The following ZFPM2 variants were observed in gnomAD, a reference collection of about 807,000 sequenced individuals.
ZFPM2 encodes the protein zinc finger protein, FOG family member 2.
ZFPM2 carries 20 observed loss-of-function variants against 98.6 expected under a neutral mutation model. The ratio of observed to expected loss-of-function variants is 0.20; its 90% CI spans 0.14 to 0.29. The LOEUF (loss-of-function observed/expected upper bound fraction) is 0.29. Among genes scored for constraint, ZFPM2 ranks in the 10% least tolerant of loss-of-function variants. The pLI is 1.00. For synonymous variants in ZFPM2, 518 were observed against 502.7 expected (o/e 1.03, Z -0.41); for missense variants, 1,310 against 1,388.6 (o/e 0.94, Z 0.90).
At chr8:105,621,382 G>C (rs34330549) in intron 4 of ZFPM2, among the ~76,000 whole-genome samples, 35,326 of 152,022 alleles carry the variant, frequency 0.23, 4,395 homozygotes, top group South Asian at 0.36. Context: ...ATTTTGTATC[G>C]TGAGACTTTG....
At chr8:105,455,986 C>T (rs1444795047) in intron 3 of ZFPM2, among the ~76,000 whole-genome samples, 11 of 151,832 alleles carry the variant, frequency 7.2e-5, no homozygotes, top group Non-Finnish European at 1.2e-4. Context: ...ATGAAATTGC[C>T]TAGTATAGAA....
intron 5 of ZFPM2, among the ~76,000 whole-genome samples, chr8:105,756,159 A>G (rs572670016): frequency 6.6e-6 from 1 of 152,286 alleles, no homozygotes; most frequent in Non-Finnish European, 1.5e-5. Context: ...GTTTATTGCA[A>G]CATCTTGGCT....
At chr8:105,474,959 AT>A (rs1812983416) in intron 3 of ZFPM2, among the ~76,000 whole-genome samples, 2 of 151,856 alleles carry the variant, frequency 1.3e-5, no homozygotes, top group African/African-American at 4.9e-5. Context: ...TTATTCTGTG[AT>A]TCAGTAGTCT....
chr8:105,399,134 G>T (rs1180070886), intron 1 of ZFPM2, among the ~76,000 whole-genome samples: 1 of 152,174 alleles, frequency 6.6e-6, no homozygotes, highest in South Asian at 2.1e-4. Flanking sequence ...TAGGGCCAAC[G>T]GCCAACTGGT....
chr8:105,511,612 A>C (rs1369249366), intron 3 of ZFPM2, among the ~76,000 whole-genome samples: 1 of 152,174 alleles, frequency 6.6e-6, no homozygotes, highest in Admixed American at 6.5e-5. Context: ...TCCAATATTA[A>C]CATTTTTTTG....
At chr8:105,793,345 A>C (rs2131150959) in intron 6 of ZFPM2, among the ~76,000 whole-genome samples, 1 of 152,126 alleles carries the variant, frequency 6.6e-6, no homozygotes. Context: ...TCACTTATGA[A>C]GCTTAGTTTG....
chr8:105,496,368 A>G (rs557914518), intron 3 of ZFPM2, among the ~76,000 whole-genome samples: 1 of 151,960 alleles, frequency 6.6e-6, no homozygotes, highest in Non-Finnish European at 1.5e-5. Context: ...ACAGTTCCTC[A>G]ATCTTCCCTG....
intron 3 of ZFPM2, among the ~76,000 whole-genome samples, chr8:105,505,766 A>G (rs1292642763): frequency 6.6e-6 from 1 of 152,172 alleles, no homozygotes; most frequent in Non-Finnish European, 1.5e-5. Flanking sequence ...TATATAGCCA[A>G]TTTATACACA....
chr8:105,585,868 A>G (rs1297570635), intron 4 of ZFPM2, among the ~76,000 whole-genome samples: 1 of 152,048 alleles, frequency 6.6e-6, no homozygotes, highest in Non-Finnish European at 1.5e-5. Flanking sequence ...ATATAAAGAG[A>G]ACCTAAGATA....
intron 3 of ZFPM2, among the ~76,000 whole-genome samples, chr8:105,528,586 A>G (rs1418028406): frequency 1.3e-5 from 2 of 152,182 alleles, no homozygotes; most frequent in African/African-American, 2.4e-5. Flanking sequence ...CAGGAGATTG[A>G]TAAGTATGGG....
At chr8:105,641,822 C>T (rs1036853302) in intron 5 of ZFPM2, among the ~76,000 whole-genome samples, 3 of 151,958 alleles carry the variant, frequency 2.0e-5, no homozygotes, top group Admixed American at 1.3e-4. Context: ...AATAGCCCTG[C>T]ACAATAATCC....
In ZFPM2 at chr8:105,485,414, G is replaced by A. The variant is rs142818034; in HGVS notation, c.301+41033G>A. 5.0e-3 allele frequency among the ~76,000 whole-genome samples: 758 copies of A among 152,238 alleles called. 2 individuals are homozygous for A. Among genetic ancestry groups the A allele is most frequent in the Middle Eastern group, 0.01 (3 of 294 alleles). ...TACATCTGCAGTCCTGGGTTCTCTG[G>A]AGGCTGAGGGAGGAGATCTCTTGAG... On this transcript the variant is annotated intron_variant, in intron 3 of 7. Coordinates refer to ENST00000407775, the MANE Select transcript of ZFPM2 (RefSeq NM_012082.4).
chr8:105,620,628 T>C (rs1816519079), intron 4 of ZFPM2, among the ~76,000 whole-genome samples: 1 of 152,194 alleles, frequency 6.6e-6, no homozygotes, highest in South Asian at 2.1e-4. Context: ...CTGAATGGTA[T>C]TGCCTAGGTT....
chr8:105,377,590 C>T (rs1475776427), intron 1 of ZFPM2, among the ~76,000 whole-genome samples: 4 of 134,788 alleles, frequency 3.0e-5, no homozygotes, highest in Non-Finnish European at 4.6e-5. Context: ...AGCAAAACCC[C>T]GTTTTTCTTA....
At chr8:105,756,628 T>G (rs1812604139) in intron 5 of ZFPM2, among the ~76,000 whole-genome samples, 1 of 152,196 alleles carries the variant, frequency 6.6e-6, no homozygotes, top group Non-Finnish European at 1.5e-5. Context: ...TTAGCCTGAT[T>G]AATTCTGAAA....
intron 5 of ZFPM2, among the ~76,000 whole-genome samples, chr8:105,636,747 T>G (rs1466991294): frequency 2.0e-5 from 3 of 152,172 alleles, no homozygotes; most frequent in Non-Finnish European, 4.4e-5. Flanking sequence ...TCACATACTG[T>G]GATGATGAAC....
At chr8:105,333,407 T>C (rs1812269404) in intron 1 of ZFPM2, among the ~76,000 whole-genome samples, 1 of 151,766 alleles carries the variant, frequency 6.6e-6, no homozygotes, top group African/African-American at 2.4e-5. Context: ...AGATCGTCTT[T>C]GGTAGTAGCT....
intron 5 of ZFPM2, among the ~76,000 whole-genome samples, chr8:105,711,446 G>A (rs539517038): frequency 1.3e-5 from 2 of 152,124 alleles, no homozygotes; most frequent in South Asian, 2.1e-4. Context: ...ATCTTTAGTT[G>A]TCTCCCTGAC....
At chr8:105,635,934 G>A (rs1169210620) in intron 5 of ZFPM2, among the ~76,000 whole-genome samples, 2 of 151,862 alleles carry the variant, frequency 1.3e-5, no homozygotes, top group African/African-American at 4.8e-5. Flanking sequence ...TTTCAGATTG[G>A]AATATTTGCA....
Sources: allele counts gnomAD v4.1 joint callset (sites outside exome capture counted in the v4.1 genomes callset), GRCh38; gene constraint gnomAD v4.1.1; transcripts MANE v1.5; gene names NCBI Gene and HGNC (gene_info 2026-07-23, HGNC 2026-07-21).